Variants in CDH4 observed in about 807,000 individuals in gnomAD.
The protein encoded by CDH4 is cadherin 4, also known as cadherin-4.
A neutral mutation model predicts 86.0 loss-of-function variants in CDH4; 33 were observed. That is an observed-to-expected ratio of 0.38 (90% confidence interval 0.29 to 0.51). The LOEUF (loss-of-function observed/expected upper bound fraction) is 0.51. Among genes scored for constraint, CDH4 ranks in the 20% least tolerant of loss-of-function variants. CDH4 has a pLI of 0.86. For missense variants in CDH4, 1,114 were observed against 1,307.4 expected, an observed-to-expected ratio of 0.85 and a Z score of 2.28; for synonymous variants, 555 against 549.4, an observed-to-expected ratio of 1.01 and a Z score of -0.14.
chr20:61,564,423 G>A (rs2086246584), intron 2 of CDH4, among the ~76,000 whole-genome samples: 2 of 152,144 alleles, frequency 1.3e-5, no homozygotes, highest in African/African-American at 4.8e-5. Context: ...CTCATGAATG[G>A]TTTAGCGCCT....
intron 2 of CDH4, among the ~76,000 whole-genome samples, chr20:61,710,170 C>T (rs1296439744): frequency 1.3e-5 from 2 of 152,172 alleles, no homozygotes; most frequent in African/African-American, 4.8e-5. Context: ...AGCCTCAACT[C>T]GGTGTTTTTT....
chr20:61,779,617 C>T (rs972664540), intron 4 of CDH4, among the ~76,000 whole-genome samples: 4 of 152,258 alleles, frequency 2.6e-5, no homozygotes, highest in Non-Finnish European at 5.9e-5. Flanking sequence ...CCCATTTGTG[C>T]ACATACACCC....
intron 2 of CDH4, among the ~76,000 whole-genome samples, chr20:61,523,075 G>A (rs1231602769): frequency 6.6e-6 from 1 of 152,242 alleles, no homozygotes; most frequent in Non-Finnish European, 1.5e-5. Context: ...CACACCAGGT[G>A]ACAGGCGGCA....
chr20:61,871,593 G>C (rs1325516933), intron 6 of CDH4, among the ~76,000 whole-genome samples: 1 of 152,198 alleles, frequency 6.6e-6, no homozygotes, highest in African/African-American at 2.4e-5. Context: ...AAAATGCAGA[G>C]GAAAGCCAGC....
chr20:61,820,296 T>C (rs1418794), intron 4 of CDH4, among the ~76,000 whole-genome samples: 67,971 of 152,058 alleles, frequency 0.45, 17,107 homozygotes, highest in Non-Finnish European at 0.58. Flanking sequence ...CACTGGCTGC[T>C]GCCTGGCATA....
At chr20:61,286,140 T>C (rs1319479497) in intron 2 of CDH4, among the ~76,000 whole-genome samples, 2 of 152,236 alleles carry the variant, frequency 1.3e-5, no homozygotes, top group Admixed American at 6.5e-5. Flanking sequence ...TGAGCATTCA[T>C]ATCTCCTTCT....
At chr20:61,707,900 A>G (rs2087849358) in intron 2 of CDH4, among the ~76,000 whole-genome samples, 1 of 152,142 alleles carries the variant, frequency 6.6e-6, no homozygotes, top group Non-Finnish European at 1.5e-5. Context: ...CAGCTCGGGA[A>G]TGTGTCTGGT....
At chr20:61,669,069 A>G (rs113003549) in intron 2 of CDH4, among the ~76,000 whole-genome samples, 15,274 of 152,186 alleles carry the variant, frequency 0.1, 859 homozygotes, top group African/African-American at 0.16. Context: ...ACCCTCGGGG[A>G]TGGTGCCTGC....
intron 2 of CDH4, among the ~76,000 whole-genome samples, chr20:61,675,755 C>T (rs1279552164): frequency 1.6e-5 from 2 of 124,382 alleles, no homozygotes; most frequent in Admixed American, 1.6e-4. Flanking sequence ...CAAGCACTCC[C>T]GTGGAAACAA....
At chr20:61,365,567 G>A (rs1333079427) in intron 2 of CDH4, among the ~76,000 whole-genome samples, 2 of 152,136 alleles carry the variant, frequency 1.3e-5, no homozygotes, top group Non-Finnish European at 2.9e-5. Context: ...TGACTCCTGA[G>A]GGTGGGCTCA....
intron 2 of CDH4, among the ~76,000 whole-genome samples, chr20:61,363,961 G>T (rs2084797787): frequency 6.6e-6 from 1 of 152,218 alleles, no homozygotes. Flanking sequence ...GATATTTTCA[G>T]TGTATGATGG....
At chr20:61,744,107 T>C (rs892841449) in intron 3 of CDH4, among the ~76,000 whole-genome samples, 6 of 152,194 alleles carry the variant, frequency 3.9e-5, no homozygotes, top group Non-Finnish European at 5.9e-5. Context: ...GCACTGCAAA[T>C]TCTGGAATCT....
intron 2 of CDH4, among the ~76,000 whole-genome samples, chr20:61,743,296 C>T (rs972316646): frequency 1.3e-5 from 2 of 152,318 alleles, no homozygotes; most frequent in African/African-American, 4.8e-5. Context: ...GGGAGAGATG[C>T]GTTTGCAGAA....
intron 2 of CDH4, among the ~76,000 whole-genome samples, chr20:61,665,137 T>C (rs2087308502): frequency 6.6e-6 from 1 of 152,120 alleles, no homozygotes; most frequent in Admixed American, 6.5e-5. Flanking sequence ...TCCAGCCGGA[T>C]CCGGGTGCCG....
In CDH4 at chr20:61,822,133, ACT is replaced by A. The variant is rs145387921; in HGVS notation, c.577-22532_577-22531del. ...ATTAATGATTTACTTATTTGCAGTA[ACT>A]CTGCCTTCAGACTTTCTAAGGCCTG... On this transcript the variant is annotated intron_variant, in intron 4 of 15. Transcript: ENST00000614565. 1.9e-3 allele frequency among the ~76,000 whole-genome samples: 295 copies of A among 152,240 alleles called. 3 individuals carry two copies. The East Asian group carries it at 0.028, about 14-fold the overall frequency.
intron 3 of CDH4, among the ~76,000 whole-genome samples, chr20:61,763,372 A>G (rs2088660857): frequency 6.6e-6 from 1 of 152,142 alleles, no homozygotes; most frequent in African/African-American, 2.4e-5. Context: ...TGGGGTTTTG[A>G]TCAGGTCCAC....
At chr20:61,833,230 A>G (rs1293468524) in intron 4 of CDH4, among the ~76,000 whole-genome samples, 1 of 152,164 alleles carries the variant, frequency 6.6e-6, no homozygotes, top group Admixed American at 6.5e-5. Flanking sequence ...TGACGTTTCC[A>G]ATGGACGAGA....
At chr20:61,256,188 G>A (rs947770024) in intron 2 of CDH4, among the ~76,000 whole-genome samples, 1 of 152,116 alleles carries the variant, frequency 6.6e-6, no homozygotes, top group Admixed American at 6.5e-5. Flanking sequence ...CCCAGAGAAG[G>A]CCTGAGGGGA....
At chr20:61,572,129 C>A (rs772286809) in intron 2 of CDH4, among the ~76,000 whole-genome samples, 13 of 152,094 alleles carry the variant, frequency 8.5e-5, no homozygotes, top group Admixed American at 7.9e-4. Flanking sequence ...GCTTCACTTA[C>A]GAAGGAACTG....
Sources: allele counts gnomAD v4.1 joint callset (sites outside exome capture counted in the v4.1 genomes callset), GRCh38; gene constraint gnomAD v4.1.1; transcripts MANE v1.5; gene names NCBI Gene and HGNC (gene_info 2026-07-23, HGNC 2026-07-21).